The following RTN4IP1 variants were observed in gnomAD, a reference collection of about 807,000 sequenced individuals.
RTN4IP1 encodes reticulon 4 interacting protein 1, also known as NAD(P)H oxidoreductase RTN4IP1, mitochondrial.
Under a neutral mutation model 46.6 loss-of-function variants are expected in RTN4IP1, and 32 were observed. The ratio of observed to expected loss-of-function variants is 0.69; its 90% CI spans 0.52 to 0.92. The LOEUF (loss-of-function observed/expected upper bound fraction) is 0.92, where lower values mean the gene tolerates loss of function less well. Ranked by LOEUF, RTN4IP1 falls within the 40% of genes least tolerant of loss-of-function variation. The pLI is 0.00. For missense variants in RTN4IP1, 424 were observed against 485.8 expected (o/e 0.87, Z 1.20); for synonymous variants, 167 against 161.8 (o/e 1.03, Z -0.24).
chr6:106,621,782 C>A (rs1395939460), intron 2 of RTN4IP1, among the ~76,000 whole-genome samples: 1 of 152,206 alleles, frequency 6.6e-6, no homozygotes, highest in African/African-American at 2.4e-5. Flanking sequence ...CCTGGCTCCA[C>A]CACTTATTAG....
chr6:106,629,786 A>C, upstream of RTN4IP1: 2 of 1,526,144 alleles, frequency 1.3e-6, no homozygotes, highest in Non-Finnish European at 1.8e-6. Flanking sequence ...CCTGGGCCTT[A>C]CCACGCATCT....
intron 4 of RTN4IP1, among the ~76,000 whole-genome samples, chr6:106,606,846 C>T (rs1272307708): frequency 6.6e-6 from 1 of 152,178 alleles, no homozygotes; most frequent in Non-Finnish European, 1.5e-5. Flanking sequence ...AATCTACAGA[C>T]TTAATTCAAG....
At chr6:106,626,148 C>G (rs1776636942) in intron 1 of RTN4IP1, among the ~76,000 whole-genome samples, 2 of 152,078 alleles carry the variant, frequency 1.3e-5, no homozygotes, top group South Asian at 4.2e-4. Flanking sequence ...CTAATCCATA[C>G]AGCAGGAGGG....
chr6:106,629,247 G>A lies in RTN4IP1; in HGVS notation c.-226C>T, dbSNP rs1476148414. The A allele has an allele frequency of 8.6e-6, 5 of 579,392 alleles. No homozygotes were observed. The highest frequency in any genetic ancestry group is 4.5e-4 in the Middle Eastern group (1 of 2,222). 35.9% of individuals were successfully genotyped at this position (579,392 alleles called of 1,614,324 possible). ...ATGAAATGCTCGAATTAACGTTCCA[G>A]TCAGTATTCTGTCCATTCTCCTCCC... On this transcript the variant is annotated 5_prime_UTR_variant, in exon 1 of 9. Coordinates refer to ENST00000369063, the MANE Select transcript of RTN4IP1 (RefSeq NM_032730.5).
chr6:106,629,501 C>A (rs1776758097), upstream of RTN4IP1: 4 of 821,666 alleles, frequency 4.9e-6, no homozygotes, highest in South Asian at 7.4e-5. Context: ...GGCTTTGCGG[C>A]GCCAACCAAT....
intron 5 of RTN4IP1, among the ~76,000 whole-genome samples, chr6:106,600,681 G>A (rs1329416538): frequency 6.6e-6 from 1 of 151,988 alleles, no homozygotes; most frequent in East Asian, 1.9e-4. Flanking sequence ...CAATATGTAG[G>A]ACCTTTTGTT....
intron 5 of RTN4IP1, among the ~76,000 whole-genome samples, chr6:106,596,760 G>T (rs1775802491): frequency 1.3e-5 from 2 of 152,078 alleles, no homozygotes; most frequent in Non-Finnish European, 2.9e-5. Flanking sequence ...TTATCTAGTA[G>T]ATTCCTCAGA....
At chr6:106,605,818 A>C (rs58561373) in intron 4 of RTN4IP1, among the ~76,000 whole-genome samples, 1,278 of 4,650 alleles carry the variant, frequency 0.27, 6 homozygotes, top group Non-Finnish European at 0.42. Flanking sequence ...CTCTGTCCCA[A>C]AAAAAAAAAA....
rs536468935 is a variant in RTN4IP1, at chr6:106,597,030, G to A, written c.670-4730C>T. On this transcript the variant is annotated intron_variant, in intron 5 of 8. Coordinates refer to ENST00000369063, the MANE Select transcript of RTN4IP1 (RefSeq NM_032730.5). Reference sequence around the variant, plus strand: ...ACATAAGTAGCACATGTGCTATTTTGTCTAGATTTCCAAAGGATCTTATTT... The same window carrying A: ...ACATAAGTAGCACATGTGCTATTTTATCTAGATTTCCAAAGGATCTTATTT... Among the ~76,000 whole-genome samples the A allele has an allele frequency of 2.0e-4, 30 of 152,074 alleles. 1 individual carries two copies. In the South Asian group the frequency reaches 5.4e-3, roughly 27 times the overall value.
rs182430899 is a variant in RTN4IP1, at chr6:106,570,960, T to A, written c.*1036A>T. ...GAGTATATTAGGAAGTAAAAACACT[T>A]ACCGTAAATGAATATTCGAAGTGCA... On this transcript the variant is annotated 3_prime_UTR_variant, in exon 9 of 9. Coordinates refer to ENST00000369063, the MANE Select transcript of RTN4IP1 (RefSeq NM_032730.5). The A allele has an allele frequency of 6.6e-6, 1 of 152,250 alleles. No homozygotes were observed. Among genetic ancestry groups the A allele is most frequent in the Non-Finnish European group, 1.5e-5 (1 of 68,010 alleles). The allele number at this position is 152,250 out of a possible 1,614,324, so 9.4% of individuals were successfully genotyped here.
intron 5 of RTN4IP1, among the ~76,000 whole-genome samples, chr6:106,596,910 A>AT (rs1208616158): frequency 6.6e-6 from 1 of 152,018 alleles, no homozygotes; most frequent in Non-Finnish European, 1.5e-5. Flanking sequence ...ATGTTACTCC[A>AT]TTTTTTTCTG....
chr6:106,629,823 A>C (rs559264194), upstream of RTN4IP1: 2 of 1,247,214 alleles, frequency 1.6e-6, no homozygotes, highest in East Asian at 5.1e-5. Flanking sequence ...TTCCTCTAGA[A>C]CTGAGTGGGG....
At chr6:106,627,543 G>A (rs1262072551) in intron 1 of RTN4IP1, among the ~76,000 whole-genome samples, 5 of 151,966 alleles carry the variant, frequency 3.3e-5, no homozygotes, top group Non-Finnish European at 7.4e-5. Context: ...TACAATCAAA[G>A]GAGATGAAAA....
chr6:106,592,102 A>G (rs1178781509), intron 6 of RTN4IP1, 62 bp downstream of exon 6: 32 of 1,544,658 alleles, frequency 2.1e-5, no homozygotes, highest in Non-Finnish European at 2.8e-5. Flanking sequence ...AAGCCATCTC[A>G]GACCTGCATA....
chr6:106,619,471 T>G (rs1776429918), intron 3 of RTN4IP1, 145 bp from the exon 4 acceptor site: 1 of 892,528 alleles, frequency 1.1e-6, no homozygotes, highest in African/African-American at 1.7e-5. Flanking sequence ...GTGGATTTCC[T>G]GCCTCTGCCA....
rs546782764 is a variant in RTN4IP1, at chr6:106,592,196, T to G, written c.774A>C (p.Gly258=). The G allele has an allele frequency of 1.2e-4, 197 of 1,614,120 alleles. 3 individuals are homozygous for G. The South Asian group carries it at 2.0e-3, about 16-fold the overall frequency. The part of the protein sequence containing the change: ...GADDVIDYKS[G]SVEEQLKSLK... The stretch of plus-strand genomic sequence containing the variant: ...AGGATTTCAACTGCTCTTCCACACT[T>G]CCAGATTTGTAATCAATTACATCGT... Residue 258 remains glycine (G), a synonymous_variant, in exon 6 of 9, where the codon GGA becomes GGC. Coordinates refer to ENST00000369063, the MANE Select transcript of RTN4IP1 (RefSeq NM_032730.5).
In RTN4IP1 at chr6:106,592,192, C is replaced by T. The variant is rs146714856; in HGVS notation, c.778G>A (p.Val260Met). The T allele has an allele frequency of 1.8e-5, 29 of 1,614,102 alleles. No individual in the cohort carries two copies. The highest frequency in any genetic ancestry group is 2.5e-5 in the Non-Finnish European group (29 of 1,180,010). The change falls in exon 6 of 9, where the codon GTG becomes ATG. Residue 260 changes from valine to methionine, a missense_variant. Transcript: ENST00000369063. ...DDVIDYKSGSVEEQLKSLKPF... is the reference protein window; with the variant it reads ...DDVIDYKSGSMEEQLKSLKPF... ...TTTAAGGATTTCAACTGCTCTTCCA[C>T]ACTTCCAGATTTGTAATCAATTACA...
upstream of RTN4IP1, chr6:106,629,575 C>A: frequency 7.2e-7 from 1 of 1,383,488 alleles, no homozygotes; most frequent in Non-Finnish European, 9.9e-7. Context: ...TGTTGAAGGG[C>A]TCAGTGACAA....
chr6:106,614,463 G>A (rs977825523), intron 4 of RTN4IP1, among the ~76,000 whole-genome samples: 1 of 152,100 alleles, frequency 6.6e-6, no homozygotes, highest in Non-Finnish European at 1.5e-5. Context: ...ATACAGATCT[G>A]TAAGTTACCA....
Sources: allele counts gnomAD v4.1 joint callset (sites outside exome capture counted in the v4.1 genomes callset), GRCh38; gene constraint gnomAD v4.1.1; transcripts MANE v1.5; gene names NCBI Gene and HGNC (gene_info 2026-07-23, HGNC 2026-07-21).